The following RAPGEF6 variants were observed in gnomAD, a reference collection of about 807,000 sequenced individuals.
RAPGEF6 encodes the protein Rap guanine nucleotide exchange factor 6, also known as PDZ domain containing guanine nucleotide exchange factor (GEF) 2.
In RAPGEF6, 56 loss-of-function variants were observed where a neutral mutation model predicts 171.4. The observed-to-expected ratio is 0.33, with a 90% CI of 0.26 to 0.41. The LOEUF (loss-of-function observed/expected upper bound fraction) is 0.41, where lower values mean the gene tolerates loss of function less well. RAPGEF6 is among the 10% of genes least tolerant of loss of function. The probability of loss-of-function intolerance (pLI) is 1.00; values close to 1 mark genes in which losing one functional copy is unlikely to be tolerated. For missense variants in RAPGEF6, 1,674 were observed against 1,921.4 expected (o/e 0.87, Z 2.41); for synonymous variants, 692 against 650.1 (o/e 1.06, Z -0.98).
At chr5:131,593,747 C>T (rs1763724274) in intron 3 of RAPGEF6, among the ~76,000 whole-genome samples, 1 of 152,168 alleles carries the variant, frequency 6.6e-6, no homozygotes, top group Non-Finnish European at 1.5e-5. Context: ...GAACTTAGAA[C>T]TTGAGACATG....
chr5:131,483,325 G>C (rs1755623682), intron 15 of RAPGEF6, among the ~76,000 whole-genome samples: 2 of 139,712 alleles, frequency 1.4e-5, no homozygotes, highest in African/African-American at 2.7e-5. Context: ...CTCCAACCTG[G>C]GCAACAGAGT....
At chr5:131,510,883 G>A (rs187247225) in intron 7 of RAPGEF6, among the ~76,000 whole-genome samples, 2 of 152,298 alleles carry the variant, frequency 1.3e-5, no homozygotes, top group Admixed American at 1.3e-4. Flanking sequence ...ATTAGTCTAT[G>A]CTGGGTATTG....
At chr5:131,528,939 T>C (rs1025252764) in intron 6 of RAPGEF6, among the ~76,000 whole-genome samples, 14 of 152,122 alleles carry the variant, frequency 9.2e-5, no homozygotes, top group African/African-American at 3.1e-4. Flanking sequence ...GCTTTAGCTG[T>C]GGATAAATCA....
At chr5:131,600,513 C>T (rs998329184) in intron 3 of RAPGEF6, among the ~76,000 whole-genome samples, 8 of 119,238 alleles carry the variant, frequency 6.7e-5, no homozygotes, top group African/African-American at 2.0e-4. Flanking sequence ...CATGGTGAGA[C>T]GAAAAGAACT....
intron 14 of RAPGEF6, 31 bp from the exon 15 acceptor site, chr5:131,489,685 A>C (rs1484422399): frequency 8.0e-7 from 1 of 1,255,974 alleles, no homozygotes; most frequent in Non-Finnish European, 1.1e-6. Flanking sequence ...ACAAATTAAT[A>C]CAGAACAGTA....
chr5:131,434,711 C>T (rs1019192075), intron 24 of RAPGEF6, among the ~76,000 whole-genome samples: 1 of 152,192 alleles, frequency 6.6e-6, no homozygotes, highest in Non-Finnish European at 1.5e-5. Context: ...TACTGCACAG[C>T]AGACAACTAG....
chr5:131,591,573 C>G (rs570702120), intron 4 of RAPGEF6, among the ~76,000 whole-genome samples: 1 of 152,206 alleles, frequency 6.6e-6, no homozygotes, highest in Non-Finnish European at 1.5e-5. Flanking sequence ...CTCATGAAGT[C>G]TGGCTCCAGA....
intron 4 of RAPGEF6, among the ~76,000 whole-genome samples, chr5:131,583,631 C>T (rs574452309): frequency 7.4e-4 from 112 of 152,236 alleles, no homozygotes; most frequent in Middle Eastern, 3.4e-3. Context: ...TAATTGTATC[C>T]CTTCCACATA....
At chr5:131,526,866 A>G (rs1286484772) in intron 6 of RAPGEF6, among the ~76,000 whole-genome samples, 2 of 152,236 alleles carry the variant, frequency 1.3e-5, no homozygotes, top group Non-Finnish European at 2.9e-5. Flanking sequence ...TGAAGCAGCA[A>G]GAAAGTTTTT....
At chr5:131,533,961 A>C in intron 6 of RAPGEF6, among the ~76,000 whole-genome samples, 1 of 152,106 alleles carries the variant, frequency 6.6e-6, no homozygotes, top group East Asian at 1.9e-4. Context: ...CTTGTTCTTC[A>C]TGCTTCTGCT....
chr5:131,560,156 T>C (rs866602415), intron 5 of RAPGEF6, among the ~76,000 whole-genome samples: 4 of 152,240 alleles, frequency 2.6e-5, no homozygotes, highest in African/African-American at 9.6e-5. Context: ...ATACTTGATG[T>C]GACTTTTTAT....
In RAPGEF6 at chr5:131,587,498, T is replaced by A. The variant is rs1763320997; in HGVS notation, c.281+4885A>T. ...ATATGGGTAGTGATTAGACAAACATTCAATGTATAGTAACTCACTAACATG... is the reference window on the plus strand; with the variant it reads ...ATATGGGTAGTGATTAGACAAACATACAATGTATAGTAACTCACTAACATG... On this transcript the variant is annotated intron_variant, in intron 4 of 27. Transcript: ENST00000509018. Among the ~76,000 whole-genome samples, 3 of 152,204 alleles carry A rather than the reference T, an allele frequency of 2.0e-5. No homozygotes were observed. In the South Asian group the frequency reaches 6.2e-4, roughly 32 times the overall value.
chr5:131,565,164 C>T (rs1310006805), intron 4 of RAPGEF6, among the ~76,000 whole-genome samples: 3 of 151,966 alleles, frequency 2.0e-5, no homozygotes, highest in African/African-American at 7.2e-5. Context: ...AAAAAAGCTT[C>T]AGAAATATAT....
intron 6 of RAPGEF6, among the ~76,000 whole-genome samples, chr5:131,528,202 A>C (rs1412601121): frequency 2.4e-5 from 3 of 126,438 alleles, no homozygotes; most frequent in African/African-American, 3.1e-5. Flanking sequence ...AATTATATAT[A>C]TTATATATAA....
intron 15 of RAPGEF6, among the ~76,000 whole-genome samples, chr5:131,480,586 C>T (rs1357269843): frequency 6.6e-6 from 1 of 152,016 alleles, no homozygotes; most frequent in East Asian, 1.9e-4. Flanking sequence ...TCAAGCGATT[C>T]TCTTGCCTCG....
At chr5:131,463,713 A>G in intron 18 of RAPGEF6, 3 of 980,004 alleles carry the variant, frequency 3.1e-6, no homozygotes, top group Non-Finnish European at 3.7e-6. Flanking sequence ...CTACTTAGAA[A>G]AAGAACTGTG....
intron 5 of RAPGEF6, among the ~76,000 whole-genome samples, chr5:131,558,878 T>A (rs1343181589): frequency 6.6e-6 from 1 of 152,192 alleles, no homozygotes; most frequent in Non-Finnish European, 1.5e-5. Context: ...TTAAAAAACA[T>A]TCCATGTGCA....
intron 18 of RAPGEF6, among the ~76,000 whole-genome samples, chr5:131,462,348 C>T (rs1753996353): frequency 6.6e-6 from 1 of 152,196 alleles, no homozygotes. Flanking sequence ...ATGAAACTAT[C>T]TGTCAGATAC....
chr5:131,576,448 A>T lies in RAPGEF6; in HGVS notation c.282-14401T>A, dbSNP rs189399766. Among the ~76,000 whole-genome samples, 91 of 152,292 alleles carry T rather than the reference A, an allele frequency of 6.0e-4. 1 individual carries two copies. The highest frequency in any genetic ancestry group is 2.1e-3 in the African/African-American group (86 of 41,560). ...ACATCCTACATCACCATGCTGTTAT[A>T]TGGGCAGAAAGAGGTTTTCTCACCA... On this transcript the variant is annotated intron_variant, in intron 4 of 27. Transcript: ENST00000509018.
Sources: gnomAD v4.1 joint callset for allele counts (sites outside exome capture counted in the v4.1 genomes callset) on GRCh38, gnomAD v4.1.1 for gene constraint, MANE v1.5 for transcripts, NCBI Gene and HGNC (gene_info 2026-07-23, HGNC 2026-07-21) for gene names.